SLC2A9: variants seen among roughly 807,000 people sequenced by gnomAD.
The protein encoded by SLC2A9 is solute carrier family 2 member 9.
A neutral mutation model predicts 50.6 loss-of-function variants in SLC2A9; 39 were observed. That is an observed-to-expected ratio of 0.77 (90% CI 0.60 to 1.01). The LOEUF (loss-of-function observed/expected upper bound fraction) is 1.01, where lower values mean the gene tolerates loss of function less well. Ranked by LOEUF, SLC2A9 falls within the 50% of genes least tolerant of loss-of-function variation. SLC2A9 has a pLI of 0.00. For synonymous variants in SLC2A9, 324 were observed against 276.9 expected (o/e 1.17, Z -1.69); for missense variants, 686 against 677.6 (o/e 1.01, Z -0.14).
At chr4:9,911,764 G>T (rs996029894) in intron 7 of SLC2A9, among the ~76,000 whole-genome samples, 1 of 152,192 alleles carries the variant, frequency 6.6e-6, no homozygotes, top group Non-Finnish European at 1.5e-5. Flanking sequence ...GATGATAAAA[G>T]AAATCATCCA....
At chr4:9,820,963 T>TAGTG (rs1388210770) in intron 3 of SLC2A9, among the ~76,000 whole-genome samples, 2 of 152,224 alleles carry the variant, frequency 1.3e-5, no homozygotes, top group Non-Finnish European at 2.9e-5. Flanking sequence ...TCCAGTATGA[T>TAGTG]AGTGAATAGA....
intron 8 of SLC2A9, among the ~76,000 whole-genome samples, chr4:9,899,706 G>T (rs1739238626): frequency 6.6e-6 from 1 of 152,184 alleles, no homozygotes; most frequent in Non-Finnish European, 1.5e-5. Context: ...AATGAGAGTT[G>T]TGTTTTAAAT....
At chr4:9,950,698 CCTGGCT>C (rs1190848856) in intron 5 of SLC2A9, among the ~76,000 whole-genome samples, 6,512 of 88,292 alleles carry the variant, frequency 0.074, 1,025 homozygotes, top group Middle Eastern at 0.14. Flanking sequence ...TCGAGACCAT[CCTGGCT>C]AACACGGTGA....
intron 10 of SLC2A9, among the ~76,000 whole-genome samples, chr4:9,868,118 CCCT>C (rs1732813003): frequency 1.3e-5 from 2 of 152,224 alleles, no homozygotes; most frequent in South Asian, 4.1e-4. Context: ...TAGTCCCATG[CCCT>C]CCTCTGTTGT....
At chr4:9,802,055 A>G (rs568582260) in intron 3 of SLC2A9, among the ~76,000 whole-genome samples, 2 of 152,230 alleles carry the variant, frequency 1.3e-5, no homozygotes, top group Admixed American at 1.3e-4. Flanking sequence ...GGAGGAGGCC[A>G]CCTGCTTTGC....
chr4:9,848,383 G>A lies in SLC2A9; in HGVS notation c.1292-13375C>T, dbSNP rs1008369796. Among the ~76,000 whole-genome samples, 7 of 150,476 alleles carry A rather than the reference G, an allele frequency of 4.7e-5. No homozygotes were observed. In the South Asian group the frequency reaches 1.5e-3, roughly 31 times the overall value. On this transcript the variant is annotated intron_variant, in intron 10 of 11. Transcript: ENST00000264784. ...AAAAAAAAAAAAAAAATGGAAAGGA[G>A]ACTTCTCCAGGAATGGGCATGAGAC...
upstream of SLC2A9, chr4:10,025,794 T>A (rs1189708459): frequency 1.7e-5 from 18 of 1,033,420 alleles, no homozygotes; most frequent in Non-Finnish European, 2.5e-5. Flanking sequence ...CACTCTTTTC[T>A]CTGCCCAGCT....
intron 10 of SLC2A9, among the ~76,000 whole-genome samples, chr4:9,850,100 G>A (rs546850138): frequency 6.6e-6 from 1 of 152,020 alleles, no homozygotes; most frequent in East Asian, 1.9e-4. Context: ...GCTGAAGCAG[G>A]GAAGTCTGGG....
At chr4:9,882,912 T>C (rs6449090) in intron 10 of SLC2A9, among the ~76,000 whole-genome samples, 68,594 of 151,454 alleles carry the variant, frequency 0.45, 18,000 homozygotes, top group African/African-American at 0.73. Context: ...ATTCACAATG[T>C]TTTTAGTGGG....
intron 1 of SLC2A9, among the ~76,000 whole-genome samples, chr4:9,773,145 G>A (rs796669974): frequency 6.6e-5 from 10 of 152,218 alleles, no homozygotes; most frequent in African/African-American, 2.4e-4. Flanking sequence ...GAACTGGGAA[G>A]AGGGACTGAG....
At chr4:9,871,634 C>T (rs915069093) in intron 10 of SLC2A9, among the ~76,000 whole-genome samples, 2 of 152,148 alleles carry the variant, frequency 1.3e-5, no homozygotes, top group African/African-American at 2.4e-5. Flanking sequence ...CTTCATCTTG[C>T]GATCCTTAAC....
At chr4:9,934,291 G>A (rs779863750) in intron 6 of SLC2A9, among the ~76,000 whole-genome samples, 1 of 152,228 alleles carries the variant, frequency 6.6e-6, no homozygotes, top group Non-Finnish European at 1.5e-5. Flanking sequence ...GCACAAAAAT[G>A]ATGCCAAGTA....
At chr4:9,804,908 C>A (rs541274682) in intron 3 of SLC2A9, among the ~76,000 whole-genome samples, 2 of 152,282 alleles carry the variant, frequency 1.3e-5, no homozygotes, top group Admixed American at 6.5e-5. Context: ...AGAGGGCTAA[C>A]AGGGGTGGGG....
chr4:9,777,695 T>C (rs1717752180), downstream of SLC2A9, among the ~76,000 whole-genome samples: 1 of 152,210 alleles, frequency 6.6e-6, no homozygotes, highest in African/African-American at 2.4e-5. Flanking sequence ...GCTTGGGGAA[T>C]TCAGACATGA....
intron 10 of SLC2A9, among the ~76,000 whole-genome samples, chr4:9,864,987 G>C (rs1732220290): frequency 6.6e-6 from 1 of 152,256 alleles, no homozygotes; most frequent in Admixed American, 6.5e-5. Context: ...TGAGCTGTGA[G>C]CATGAACACT....
chr4:10,025,883 C>T, upstream of SLC2A9: 1 of 1,588,708 alleles, frequency 6.3e-7, no homozygotes, highest in South Asian at 1.1e-5. Flanking sequence ...GTAAGGGAGA[C>T]AGAAAAAAAA....
chr4:9,861,214 T>G (rs1731572770), intron 10 of SLC2A9, among the ~76,000 whole-genome samples: 1 of 152,148 alleles, frequency 6.6e-6, no homozygotes, highest in Non-Finnish European at 1.5e-5. Context: ...CTCAGGAATC[T>G]TCCAATCACG....
intron 5 of SLC2A9, among the ~76,000 whole-genome samples, chr4:9,956,763 A>AT (rs34008312): frequency 0.48 from 73,365 of 151,930 alleles, 19,070 homozygotes; most frequent in African/African-American, 0.67. Flanking sequence ...GTACCGAAAA[A>AT]TTTTTTTAAA....
chr4:10,025,285 C>T (rs1434337630), upstream of SLC2A9, among the ~76,000 whole-genome samples: 2 of 152,238 alleles, frequency 1.3e-5, no homozygotes, highest in African/African-American at 4.8e-5. Flanking sequence ...GGACAAGTGG[C>T]TTCATCCCTT....
Sources: allele counts gnomAD v4.1 joint callset (sites outside exome capture counted in the v4.1 genomes callset), GRCh38; gene constraint gnomAD v4.1.1; transcripts MANE v1.5; gene names NCBI Gene and HGNC (gene_info 2026-07-23, HGNC 2026-07-21).